Variants in AP5M1 observed in about 807,000 individuals in gnomAD.
AP5M1 encodes the protein AP-5 complex subunit mu-1.
Under a neutral mutation model 52.3 loss-of-function variants are expected in AP5M1, and 44 were observed. That is an observed-to-expected ratio of 0.84 (90% CI 0.66 to 1.08). AP5M1 has a LOEUF of 1.08. Among genes scored for constraint, AP5M1 ranks in the 50% least tolerant of loss-of-function variants. AP5M1 has a pLI of 0.00. For synonymous variants in AP5M1, 213 were observed against 199.0 expected (o/e 1.07, Z -0.59); for missense variants, 526 against 568.4 (o/e 0.93, Z 0.76).
Position 57,292,348 on chromosome 14 carries a change from C to T in AP5M1, c.*3464C>T, listed in dbSNP as rs1197520167. On this transcript the variant is annotated 3_prime_UTR_variant, in exon 8 of 8. Transcript: ENST00000261558. ...GGTATTTCACTTAACTACCAGTTAC[C>T]TCGTTCTGACAAAGTGCAACTGAGA... 1 of 151,730 alleles carries T rather than the reference C, an allele frequency of 6.6e-6. No homozygotes were observed. Among genetic ancestry groups the T allele is most frequent in the Non-Finnish European group, 1.5e-5 (1 of 67,822 alleles). 9.4% of individuals were successfully genotyped at this position (151,730 alleles called of 1,614,324 possible).
At chr14:57,285,237 C>T (rs1885278599) in intron 6 of AP5M1, among the ~76,000 whole-genome samples, 1 of 152,054 alleles carries the variant, frequency 6.6e-6, no homozygotes, top group South Asian at 2.1e-4. Context: ...AGCTTTGTTT[C>T]AAGGATTATT....
chr14:57,274,644 T>G lies in AP5M1; in HGVS notation c.475T>G (p.Leu159Val), dbSNP rs1884976960. The change falls in exon 2 of 8, where the codon TTG becomes GTG. Residue 159 changes from leucine (L) to valine (V), a missense_variant. This residue lies in a region of AP5M1 where 425 missense variants were observed against 430.6 expected (regional missense o/e 0.99). Transcript: ENST00000261558. ...TGAGCTGAATACAAAATTGAGCCAG[T>G]TGCCTGACTTGCTTCTGCAGGCTTG... ...DSELNTKLSQ[L>V]PDLLLQACPF... is the part of the protein sequence containing the mutation. The G allele has an allele frequency of 3.1e-6, 5 of 1,614,234 alleles. No homozygotes were observed. Among genetic ancestry groups the G allele is most frequent in the Non-Finnish European group, 4.2e-6 (5 of 1,180,036 alleles).
rs775527320 is a variant in AP5M1 at position 57,269,353 on chromosome 14, G to C, written c.39G>C (p.Pro13=). ...QRAVWLISHE[P]GTPLCGTVRF... ...CAGTGTGGCTCATAAGCCACGAACCGGGAACTCCACTTTGTGGCACCGTGA... is the reference window on the plus strand; with the variant it reads ...CAGTGTGGCTCATAAGCCACGAACCCGGAACTCCACTTTGTGGCACCGTGA... Residue 13 remains proline (P), a synonymous_variant, in exon 1 of 8, where the codon CCG becomes CCC. Transcript: ENST00000261558. The C allele has an allele frequency of 3.1e-6, 5 of 1,614,108 alleles. No individual in the cohort carries two copies. The highest frequency in any genetic ancestry group is 4.2e-6 in the Non-Finnish European group (5 of 1,179,986).
chr14:57,275,460 G>A (rs1163890991), intron 2 of AP5M1: 1 of 151,358 alleles, frequency 6.6e-6, no homozygotes, highest in Non-Finnish European at 1.5e-5. Flanking sequence ...AGAGAAGAGA[G>A]AAGAGAAAAG....
rs1885549791 is a variant in AP5M1, at chr14:57,296,201, A to G, written c.*7317A>G. On this transcript the variant is annotated 3_prime_UTR_variant, in exon 8 of 8. Transcript: ENST00000261558. ...ATTAAAATGTTTTACTTGGTCTCTT[A>G]GTGTTACTGAATACAAGTTTAGTAT... 6.6e-6 allele frequency: 1 copy of G among 151,306 alleles called. No individual in the cohort carries two copies. Among genetic ancestry groups the G allele is most frequent in the African/African-American group, 2.5e-5 (1 of 40,766 alleles). The allele number at this position is 151,306 out of a possible 1,614,324, so 9.4% of individuals were successfully genotyped here.
At chr14:57,280,474 C>T (rs780959772) in intron 3 of AP5M1, 52 bp downstream of exon 3, 2 of 1,187,540 alleles carry the variant, frequency 1.7e-6, no homozygotes, top group South Asian at 2.6e-5. Flanking sequence ...TTCATAAATA[C>T]TATTGATAAG....
chr14:57,274,233 C>T lies in AP5M1; in HGVS notation c.75-11C>T, dbSNP rs894162497. 3 of 1,565,230 alleles carry T rather than the reference C, an allele frequency of 1.9e-6. No homozygotes were observed. The African/African-American group carries it at 4.1e-5, about 22-fold the overall frequency. The stretch of plus-strand genomic sequence containing the variant: ...AGAATCATTTATAATGTTTCTGTTT[C>T]CGTAATGCAGACGGTATCCAACTGT... On this transcript the variant is annotated splice_polypyrimidine_tract_variant and intron_variant, in intron 1 of 7. Coordinates refer to ENST00000261558, the MANE Select transcript of AP5M1 (RefSeq NM_018229.4).
chr14:57,271,521 G>A (rs531101765), intron 1 of AP5M1, among the ~76,000 whole-genome samples: 3 of 151,898 alleles, frequency 2.0e-5, no homozygotes, highest in African/African-American at 7.2e-5. Flanking sequence ...TTTTTTCTTT[G>A]AAAGTTGCTT....
At position 57,280,806 on chromosome 14, in the gene AP5M1, G is replaced by A. The variant is rs561337728; in HGVS notation, c.948+384G>A. ...GCGGAGGTTGCGGTGAGCCAAGATC[G>A]CACCAGCGCACTCCAGCCTGGGCGA... On this transcript the variant is annotated intron_variant, in intron 3 of 7. Transcript: ENST00000261558. Among the ~76,000 whole-genome samples the A allele has an allele frequency of 1.3e-3, 189 of 150,686 alleles. 1 individual carries two copies. Among genetic ancestry groups the A allele is most frequent in the African/African-American group, 4.4e-3 (181 of 41,006 alleles).
Position 57,289,934 on chromosome 14 carries a change from T to C in AP5M1, c.*1050T>C, listed in dbSNP as rs1390587175. ...GCTTCTGCAATTATATATCATATTATGTTTTCAGAGCAGTTCATTGTCAAG... is the reference window on the plus strand; with the variant it reads ...GCTTCTGCAATTATATATCATATTACGTTTTCAGAGCAGTTCATTGTCAAG... On this transcript the variant is annotated 3_prime_UTR_variant, in exon 8 of 8. Transcript: ENST00000261558. 5 of 152,016 alleles carry C rather than the reference T, an allele frequency of 3.3e-5. No homozygotes were observed. Among genetic ancestry groups the C allele is most frequent in the Non-Finnish European group, 5.9e-5 (4 of 67,934 alleles). 9.4% of individuals were successfully genotyped at this position (152,016 alleles called of 1,614,324 possible).
Position 57,295,657 on chromosome 14 carries a change from G to A in AP5M1, c.*6773G>A, listed in dbSNP as rs186979048. Reference sequence around the variant, plus strand: ...CTATGTTACTTCAAAATGTTTAAGTGCCAAACTTAATGTTACCTTCTCTGC... The same window carrying A: ...CTATGTTACTTCAAAATGTTTAAGTACCAAACTTAATGTTACCTTCTCTGC... On this transcript the variant is annotated 3_prime_UTR_variant, in exon 8 of 8. Coordinates refer to ENST00000261558, the MANE Select transcript of AP5M1 (RefSeq NM_018229.4). 6.6e-6 allele frequency: 1 copy of A among 151,156 alleles called. No homozygotes were observed. The highest frequency in any genetic ancestry group is 1.5e-5 in the Non-Finnish European group (1 of 67,718). 9.4% of individuals were successfully genotyped at this position (151,156 alleles called of 1,614,324 possible). A position where few individuals can be genotyped will look rare whatever the true frequency, so the allele number is the denominator to read the frequency against.
chr14:57,287,503 G>A (rs2139697580), intron 7 of AP5M1, among the ~76,000 whole-genome samples: 1 of 152,116 alleles, frequency 6.6e-6, no homozygotes, highest in East Asian at 1.9e-4. Context: ...AAACAGACCA[G>A]TATTTTAGAT....
intron 1 of AP5M1, among the ~76,000 whole-genome samples, chr14:57,272,625 T>C (rs1269926221): frequency 6.6e-6 from 1 of 152,256 alleles, no homozygotes; most frequent in Non-Finnish European, 1.5e-5. Flanking sequence ...GATTAACTTA[T>C]CTTCACAGTC....
rs945913124 is a variant in AP5M1, at chr14:57,297,012, C to T, written c.*8128C>T. Reference sequence around the variant, plus strand: ...CCAGTTAAAGGGCACACCGTGGGGGCAGCATATCTCCATGGGTCTATCTCT... The same window carrying T: ...CCAGTTAAAGGGCACACCGTGGGGGTAGCATATCTCCATGGGTCTATCTCT... On this transcript the variant is annotated 3_prime_UTR_variant, in exon 8 of 8. Coordinates refer to ENST00000261558, the MANE Select transcript of AP5M1 (RefSeq NM_018229.4). 6.6e-6 allele frequency: 1 copy of T among 151,954 alleles called. No individual in the cohort carries two copies. The highest frequency in any genetic ancestry group is 1.5e-5 in the Non-Finnish European group (1 of 67,982). The allele number at this position is 151,954 out of a possible 1,614,324, so 9.4% of individuals were successfully genotyped here.
chr14:57,274,604 T>G lies in AP5M1; in HGVS notation c.435T>G (p.Gly145=). 6.2e-7 allele frequency: 1 copy of G among 1,614,096 alleles called. No individual in the cohort carries two copies. ...GGATACAGGATTTTCTTTATTCAGGTCAAAAAAATGACTCTGAGCTGAATA... is the reference window on the plus strand; with the variant it reads ...GGATACAGGATTTTCTTTATTCAGGGCAAAAAAATGACTCTGAGCTGAATA... ...LFGIQDFLYS[G]QKNDSELNTK... is the part of the protein sequence containing the mutation. The change falls in exon 2 of 8, where the codon GGT becomes GGG. Residue 145 remains glycine (G), a synonymous_variant. Transcript: ENST00000261558.
intron 4 of AP5M1, 56 bp from the exon 5 acceptor site, chr14:57,282,878 C>A (rs1431611506): frequency 9.8e-6 from 12 of 1,223,086 alleles, no homozygotes; most frequent in Non-Finnish European, 1.4e-5. Flanking sequence ...TGACTTAGAT[C>A]TCTTAAAACT....
intron 7 of AP5M1, among the ~76,000 whole-genome samples, chr14:57,287,625 G>T (rs1198189395): frequency 6.6e-6 from 1 of 152,030 alleles, no homozygotes; most frequent in Non-Finnish European, 1.5e-5. Flanking sequence ...TATGTTGAAA[G>T]AACTCATTTT....
At chr14:57,288,209 T>C (rs780779798) in intron 7 of AP5M1, among the ~76,000 whole-genome samples, 1 of 151,656 alleles carries the variant, frequency 6.6e-6, no homozygotes, top group East Asian at 1.9e-4. Flanking sequence ...ATAAAGAATT[T>C]ACATGTGTAA....
chr14:57,283,374 G>A, intron 6 of AP5M1, 144 bp downstream of exon 6: 1 of 587,040 alleles, frequency 1.7e-6, no homozygotes, highest in Non-Finnish European at 3.0e-6. Context: ...TTGGATTTTT[G>A]TTTGATTTTT....
Sources: gnomAD v4.1 joint callset for allele counts (sites outside exome capture counted in the v4.1 genomes callset) on GRCh38, gnomAD v4.1.1 for gene constraint, gnomAD v4.1.1 regional missense constraint, MANE v1.5 for transcripts, NCBI Gene and HGNC (gene_info 2026-07-23, HGNC 2026-07-21) for gene names.